TMEM229B: variants seen among roughly 807,000 people sequenced by gnomAD.
TMEM229B encodes chromosome 14 open reading frame 83.
A neutral mutation model predicts 13.7 loss-of-function variants in TMEM229B; 6 were observed. The observed-to-expected ratio is 0.44, with a 90% CI of 0.24 to 0.86. The LOEUF (loss-of-function observed/expected upper bound fraction) is 0.86. TMEM229B is among the 40% of genes least tolerant of loss of function. The pLI, the probability that TMEM229B is intolerant of heterozygous loss-of-function variation, is 0.23. For missense variants in TMEM229B, 170 were observed against 236.0 expected (o/e 0.72, Z 1.83); for synonymous variants, 107 against 102.1 (o/e 1.05, Z -0.29).
upstream of TMEM229B, among the ~76,000 whole-genome samples, chr14:67,490,685 A>G (rs1389668983): frequency 2.0e-5 from 3 of 151,928 alleles, no homozygotes; most frequent in Admixed American, 6.6e-5. Context: ...TAAAAATCAG[A>G]TCTCTCTCCC....
chr14:67,480,194 C>T (rs1594682022), intron 2 of TMEM229B, among the ~76,000 whole-genome samples: 1 of 152,268 alleles, frequency 6.6e-6, no homozygotes, highest in African/African-American at 2.4e-5. Context: ...GCTTTTACAC[C>T]GCCTCTTACC....
chr14:67,480,093 G>T (rs148946903), intron 2 of TMEM229B, among the ~76,000 whole-genome samples: 1 of 152,156 alleles, frequency 6.6e-6, no homozygotes, highest in Non-Finnish European at 1.5e-5. Context: ...GAATGAACTC[G>T]TACATATACA....
exon 1 of TMEM229B, chr14:67,515,292 C>G (rs2033168379): frequency 6.5e-6 from 1 of 153,454 alleles, no homozygotes; most frequent in Non-Finnish European, 1.4e-5. Context: ...GTGCCTCCCC[C>G]ACGCCGCCTG....
upstream of TMEM229B, among the ~76,000 whole-genome samples, chr14:67,489,114 A>G (rs2032046834): frequency 6.6e-6 from 1 of 152,198 alleles, no homozygotes; most frequent in Non-Finnish European, 1.5e-5. Context: ...CCTTATAGCA[A>G]CTAACATATG....
intron 1 of TMEM229B, among the ~76,000 whole-genome samples, chr14:67,500,075 G>A (rs1050642114): frequency 5.9e-5 from 9 of 152,066 alleles, no homozygotes; most frequent in African/African-American, 1.7e-4. Flanking sequence ...GTCTCTGCCC[G>A]TAGTCCCAGC....
chr14:67,505,178 C>T (rs1363932508), intron 1 of TMEM229B, among the ~76,000 whole-genome samples: 1 of 152,082 alleles, frequency 6.6e-6, no homozygotes, highest in African/African-American at 2.4e-5. Context: ...GCAAGGGCCC[C>T]TCTCTCAAGC....
At chr14:67,484,387 T>C (rs1421843158) in intron 2 of TMEM229B, among the ~76,000 whole-genome samples, 10 of 152,222 alleles carry the variant, frequency 6.6e-5, no homozygotes, top group Admixed American at 4.6e-4. Flanking sequence ...GCTGCCTCGG[T>C]CTCTCTTCCC....
At chr14:67,507,248 C>T (rs563198410) in intron 1 of TMEM229B, among the ~76,000 whole-genome samples, 5 of 152,164 alleles carry the variant, frequency 3.3e-5, no homozygotes, top group African/African-American at 1.2e-4. Flanking sequence ...ACTTGGGAGG[C>T]TGAAGTGGGA....
chr14:67,474,078 C>T, intron 2 of TMEM229B, 137 bp from the exon 3 acceptor site: 1 of 954,408 alleles, frequency 1.0e-6, no homozygotes, highest in Non-Finnish European at 1.5e-6. Context: ...ATGGTGAAAC[C>T]CCGTCTCTAC....
intron 1 of TMEM229B, among the ~76,000 whole-genome samples, chr14:67,500,747 A>AT (rs1272362986): frequency 6.6e-6 from 1 of 151,002 alleles, no homozygotes. Flanking sequence ...AATTTTTTGT[A>AT]TTTTTACTAG....
At chr14:67,478,969 C>T (rs2031404049) in intron 2 of TMEM229B, among the ~76,000 whole-genome samples, 1 of 152,206 alleles carries the variant, frequency 6.6e-6, no homozygotes, top group Non-Finnish European at 1.5e-5. Context: ...CAAAGGCATG[C>T]ATATGTGCAC....
chr14:67,480,957 G>A (rs1485433526), intron 2 of TMEM229B, among the ~76,000 whole-genome samples: 1 of 152,220 alleles, frequency 6.6e-6, no homozygotes, highest in Non-Finnish European at 1.5e-5. Flanking sequence ...GAAAGGGGTA[G>A]CTGTCAAAGG....
intron 1 of TMEM229B, among the ~76,000 whole-genome samples, chr14:67,505,983 A>G (rs1367627438): frequency 6.6e-6 from 1 of 152,100 alleles, no homozygotes; most frequent in East Asian, 1.9e-4. Context: ...TACAGGTGTG[A>G]GCCACCTCAC....
At position 67,470,333 on chromosome 14, in the gene TMEM229B, C is replaced by T. The variant is rs1483829366; in HGVS notation, c.*3087G>A. 1 of 152,342 alleles carries T rather than the reference C, an allele frequency of 6.6e-6. No homozygotes were observed. Among genetic ancestry groups the T allele is most frequent in the African/African-American group, 2.4e-5 (1 of 41,456 alleles). The allele number at this position is 152,342 out of a possible 1,614,324, so 9.4% of individuals were successfully genotyped here. A position where few individuals can be genotyped will look rare whatever the true frequency, so the allele number is the denominator to read the frequency against. On this transcript the variant is annotated 3_prime_UTR_variant, in exon 3 of 3. Coordinates refer to ENST00000554480, the MANE Select transcript of TMEM229B (RefSeq NM_001348543.2). The stretch of plus-strand genomic sequence containing the variant: ...GAAAAGGAAGAGACAGAGGGACCAA[C>T]GGAGACACAGAGCAGGCAATGGGCG...
At position 67,494,800 on chromosome 14, in the gene TMEM229B, G is replaced by T. The variant is rs370594799; in HGVS notation, c.-191-7628C>A. On this transcript the variant is annotated intron_variant, in intron 1 of 2. Coordinates refer to the TMEM229B transcript ENST00000357461. The stretch of plus-strand genomic sequence containing the variant: ...ACATTTGACAAGAACCAAGGCTACA[G>T]AAGAAGCACCAAATTTTAAAAACAG... Among the ~76,000 whole-genome samples the T allele has an allele frequency of 5.3e-5, 8 of 152,164 alleles. No homozygotes were observed. In the East Asian group the frequency reaches 1.3e-3, roughly 26 times the overall value.
chr14:67,485,459 C>T (rs1389653166), intron 2 of TMEM229B, among the ~76,000 whole-genome samples: 1 of 152,224 alleles, frequency 6.6e-6, no homozygotes, highest in African/African-American at 2.4e-5. Context: ...GGAAAAAGAC[C>T]TGATTACCCC....
At chr14:67,514,903 G>A (rs1275015929) in intron 1 of TMEM229B, among the ~76,000 whole-genome samples, 3 of 152,326 alleles carry the variant, frequency 2.0e-5, no homozygotes, top group Admixed American at 1.3e-4. Flanking sequence ...CTCGAACCGG[G>A]GCAGCAGCCT....
At chr14:67,513,323 T>C (rs116481554) in intron 1 of TMEM229B, among the ~76,000 whole-genome samples, 208 of 152,258 alleles carry the variant, frequency 1.4e-3, no homozygotes, top group African/African-American at 4.9e-3. Context: ...AATGGGAAGG[T>C]CCATAGAAGT....
chr14:67,524,675 C>T (rs543852286), intron 1 of TMEM229B, among the ~76,000 whole-genome samples: 2 of 152,310 alleles, frequency 1.3e-5, no homozygotes, highest in South Asian at 4.1e-4. Flanking sequence ...ACTCTGTCCC[C>T]AGACTTGTGT....
Sources: allele counts gnomAD v4.1 joint callset (sites outside exome capture counted in the v4.1 genomes callset), GRCh38; gene constraint gnomAD v4.1.1; transcripts MANE v1.5; gene names NCBI Gene and HGNC (gene_info 2026-07-23, HGNC 2026-07-21).